Variants in SEMA7A observed in about 807,000 individuals in gnomAD.
SEMA7A encodes the protein semaphorin 7A (JohnMiltonHagen blood group), also known as semaphorin-7A.
SEMA7A carries 21 observed loss-of-function variants against 67.5 expected under a neutral mutation model. The observed-to-expected ratio is 0.31, with a 90% confidence interval of 0.22 to 0.45. The LOEUF (loss-of-function observed/expected upper bound fraction) is 0.45. SEMA7A is among the 20% of genes least tolerant of loss of function. The pLI, the probability that SEMA7A is intolerant of heterozygous loss-of-function variation, is 1.00. For synonymous variants in SEMA7A, 364 were observed against 368.5 expected (o/e 0.99, Z 0.14); for missense variants, 774 against 908.6 (o/e 0.85, Z 1.90).
chr15:74,413,627 G>A (rs889889772), intron 10 of SEMA7A, among the ~76,000 whole-genome samples: 4 of 152,190 alleles, frequency 2.6e-5, no homozygotes, highest in East Asian at 1.9e-4. Flanking sequence ...GGGTGTAGCC[G>A]GGATGAATAG....
Position 74,414,433 on chromosome 15 carries a change from C to T in SEMA7A, c.1294+114G>A. The T allele has an allele frequency of 9.0e-7, 1 of 1,111,328 alleles. No individual in the cohort carries two copies. Among genetic ancestry groups the T allele is most frequent in the Non-Finnish European group, 1.3e-6 (1 of 747,530 alleles). The allele number at this position is 1,111,328 out of a possible 1,614,324, so 68.8% of individuals were successfully genotyped here. On this transcript the variant is annotated intron_variant, in intron 10 of 13. Coordinates refer to ENST00000261918, the MANE Select transcript of SEMA7A (RefSeq NM_003612.5). The surrounding 1 kb of genome is among the most constrained non-coding windows in gnomAD (Gnocchi z 4.1). Reference sequence around the variant, plus strand: ...CATTAACCCCTGACAACTCCAGTCACTCAATTATTCCTTCCACATGTAAAG... The same window carrying T: ...CATTAACCCCTGACAACTCCAGTCATTCAATTATTCCTTCCACATGTAAAG...
intron 2 of SEMA7A, 101 bp from the exon 3 acceptor site, chr15:74,418,410 T>G: frequency 8.4e-7 from 1 of 1,183,492 alleles, no homozygotes; most frequent in Non-Finnish European, 1.2e-6. Flanking sequence ...GAAGCAACCA[T>G]TATTCTCATC....
Position 74,410,265 on chromosome 15 carries a change from C to G in SEMA7A, c.*359G>C, listed in dbSNP as rs1370127871. The stretch of plus-strand genomic sequence containing the variant: ...TCAGCCCCAGGGTCGAGATGGAGTC[C>G]CAGCTCTCCTATCCAAACCCACTCC... On this transcript the variant is annotated 3_prime_UTR_variant, in exon 14 of 14. Transcript: ENST00000261918. The surrounding 1 kb of genome is among the most constrained non-coding windows in gnomAD (Gnocchi z 7.5). 1.3e-5 allele frequency: 3 copies of G among 233,516 alleles called. No homozygotes were observed. The highest frequency in any genetic ancestry group is 2.5e-5 in the Non-Finnish European group (3 of 121,050). The allele number at this position is 233,516 out of a possible 1,614,324, so 14.5% of individuals were successfully genotyped here.
At chr15:74,427,876 A>G (rs1281492288) in intron 1 of SEMA7A, among the ~76,000 whole-genome samples, 1 of 152,196 alleles carries the variant, frequency 6.6e-6, no homozygotes, top group African/African-American at 2.4e-5. Context: ...GGGCTCCCCA[A>G]GGGCAAACCC....
chr15:74,411,636 GC>G lies in SEMA7A; in HGVS notation c.1496del (p.Gly499AlafsTer66). ...PLDLCEVYGG[G>X]CHGCLMSRDP... ...CTCGGGACATGAGGCAACCGTGGCA[GC>G]CCCCGCCATAGACCTCACACAGGTC... On this transcript the variant is annotated frameshift_variant, in exon 12 of 14. Coordinates refer to ENST00000261918, the MANE Select transcript of SEMA7A (RefSeq NM_003612.5). LOFTEE classifies it high-confidence loss of function. The surrounding 1 kb of genome is among the most constrained non-coding windows in gnomAD (Gnocchi z 4.4). 1 of 1,610,150 alleles carries G rather than the reference GC, an allele frequency of 6.2e-7. No homozygotes were observed. The highest frequency in any genetic ancestry group is 1.1e-5 in the South Asian group (1 of 90,682).
Position 74,431,716 on chromosome 15 carries a change from G to A in SEMA7A, c.178+2025C>T, listed in dbSNP as rs139592783. ...CCATGTGTCACCCCACAGGAGACAGGAGGCAGCTGTCAGTCGGGCACACCA... is the reference window on the plus strand; with the variant it reads ...CCATGTGTCACCCCACAGGAGACAGAAGGCAGCTGTCAGTCGGGCACACCA... On this transcript the variant is annotated intron_variant, in intron 1 of 13. Coordinates refer to ENST00000261918, the MANE Select transcript of SEMA7A (RefSeq NM_003612.5). 2.0e-5 allele frequency among the ~76,000 whole-genome samples: 3 copies of A among 152,356 alleles called. No homozygotes were observed. In the East Asian group the frequency reaches 5.8e-4, roughly 29 times the overall value.
At chr15:74,433,102 C>A (rs1246990197) in intron 1 of SEMA7A, among the ~76,000 whole-genome samples, 1 of 152,152 alleles carries the variant, frequency 6.6e-6, no homozygotes, top group African/African-American at 2.4e-5. Flanking sequence ...GGGGAGCGGC[C>A]GGTCCCGGCA....
rs755390599 is a variant in SEMA7A at position 74,411,614 on chromosome 15, G to A, written c.1519C>T (p.Arg507Ter). The stretch of plus-strand genomic sequence containing the variant: ...TGGTCCCAGCCGCAGTAGGGGTCTC[G>A]GGACATGAGGCAACCGTGGCAGCCC... Reference protein sequence around the residue: ...GGGCHGCLMSRDPYCGWDQGR... With the variant: ...GGGCHGCLMS The change falls in exon 12 of 14, where the codon CGA becomes TGA. Residue 507 changes from arginine to a stop codon, truncating the protein, a stop_gained. Coordinates refer to ENST00000261918, the MANE Select transcript of SEMA7A (RefSeq NM_003612.5). LOFTEE classifies it high-confidence loss of function. This position sits in a 1 kb window ranked among gnomAD's most constrained non-coding sequence, Gnocchi z 4.4. 7.5e-6 allele frequency: 12 copies of A among 1,607,130 alleles called. No homozygotes were observed. In the Admixed American group the frequency reaches 1.4e-4, roughly 18 times the overall value.
chr15:74,417,376 CG>C lies in SEMA7A; in HGVS notation c.619del (p.Arg207GlyfsTer79). 2 of 1,614,036 alleles carry C rather than the reference CG, an allele frequency of 1.2e-6. No homozygotes were observed. Among genetic ancestry groups the C allele is most frequent in the Non-Finnish European group, 1.7e-6 (2 of 1,180,010 alleles). ...ACTGGTGTACAGCTCACTCTCGCCC[CG>C]GATGCGGCGGAACCGAGGGATCTTC... ...NGKIPRFRRIRGESELYTSDT... is the reference protein window; with the variant it reads ...NGKIPRFRRIXGESELYTSDT... On this transcript the variant is annotated frameshift_variant, in exon 6 of 14. Transcript: ENST00000261918. LOFTEE classifies it high-confidence loss of function.
At chr15:74,416,547 A>G (rs770153965) in intron 7 of SEMA7A, 28 bp downstream of exon 7, 9 of 1,609,942 alleles carry the variant, frequency 5.6e-6, no homozygotes, top group Non-Finnish European at 7.6e-6. Context: ...ACAGACACGT[A>G]GCCAGCAGCC....
intron 1 of SEMA7A, 173 bp downstream of exon 1, chr15:74,433,568 G>A (rs1300321935): frequency 8.2e-7 from 1 of 1,223,838 alleles, no homozygotes; most frequent in South Asian, 3.8e-5. Flanking sequence ...GTGTGCCAGC[G>A]TGTACACTCA....
chr15:74,427,503 G>C (rs1283268707), intron 1 of SEMA7A, among the ~76,000 whole-genome samples: 1 of 152,052 alleles, frequency 6.6e-6, no homozygotes, highest in African/African-American at 2.4e-5. Context: ...TAATTTTTTT[G>C]TATTTTTAGT....
In SEMA7A at chr15:74,418,894, G is replaced by C; in HGVS notation, c.237C>G (p.Phe79Leu). Reference protein sequence around the residue: ...FGQTEPHTVLFHEPGSSSVWV... With the variant: ...FGQTEPHTVLLHEPGSSSVWV... ...ACACAGAGGAGCTGCCTGGCTCGTG[G>C]AAAAGCACCGTGTGCGGCTCAGTCT... Residue 79 changes from phenylalanine to leucine, a missense_variant, in exon 2 of 14, where the codon TTC (phenylalanine) becomes TTG (leucine). Transcript: ENST00000261918. The C allele has an allele frequency of 6.2e-7, 1 of 1,613,844 alleles. No individual in the cohort carries two copies.
chr15:74,419,606 G>C (rs2060982451), intron 1 of SEMA7A, among the ~76,000 whole-genome samples: 1 of 152,244 alleles, frequency 6.6e-6, no homozygotes, highest in African/African-American at 2.4e-5. Flanking sequence ...CAGAGGCCAA[G>C]GGAGGGGCAG....
intron 1 of SEMA7A, among the ~76,000 whole-genome samples, chr15:74,432,273 G>A (rs1398184688): frequency 6.6e-6 from 1 of 152,148 alleles, no homozygotes; most frequent in Admixed American, 6.5e-5. Flanking sequence ...AAGCTGCTGG[G>A]AGGGCAAAGG....
chr15:74,420,529 G>C (rs1419107482), intron 1 of SEMA7A, among the ~76,000 whole-genome samples: 2 of 152,184 alleles, frequency 1.3e-5, no homozygotes, highest in Non-Finnish European at 2.9e-5. Context: ...GGGGATATCA[G>C]CCCTCCCTGG....
At chr15:74,426,226 G>A (rs796521198) in intron 1 of SEMA7A, among the ~76,000 whole-genome samples, 4 of 152,260 alleles carry the variant, frequency 2.6e-5, no homozygotes, top group African/African-American at 9.6e-5. Context: ...AGTGAGCTGA[G>A]ACCACGCCAC....
chr15:74,411,249 A>AC lies in SEMA7A; in HGVS notation c.1639+45dup, dbSNP rs2060897208. The stretch of plus-strand genomic sequence containing the variant: ...ACCAGGACAATCAGGGCAGGGCAGT[A>AC]CCCCACTCATTGGGCCACAGCCGCC... On this transcript the variant is annotated intron_variant, in intron 13 of 13. Coordinates refer to ENST00000261918, the MANE Select transcript of SEMA7A (RefSeq NM_003612.5). The surrounding 1 kb of genome is among the most constrained non-coding windows in gnomAD (Gnocchi z 4.4). The AC allele has an allele frequency of 2.5e-6, 4 of 1,584,174 alleles. No homozygotes were observed.
chr15:74,419,541 T>C (rs2060981576), intron 1 of SEMA7A, among the ~76,000 whole-genome samples: 1 of 152,090 alleles, frequency 6.6e-6, no homozygotes, highest in Admixed American at 6.5e-5. Flanking sequence ...AGCACTAGAC[T>C]AGAGGAGGAA....
Sources: allele counts gnomAD v4.1 joint callset (sites outside exome capture counted in the v4.1 genomes callset), GRCh38; gene constraint gnomAD v4.1.1; non-coding constraint Gnocchi (gnomAD v3.1); transcripts MANE v1.5; gene names NCBI Gene and HGNC (gene_info 2026-07-23, HGNC 2026-07-21).